The following ZNF157 variants were observed in gnomAD, a reference collection of about 807,000 sequenced individuals.
The protein encoded by ZNF157 is zinc finger protein 157.
A neutral mutation model predicts 9.4 loss-of-function variants in ZNF157; 8 were observed. The ratio of observed to expected loss-of-function variants is 0.85; its 90% CI spans 0.50 to 1.53. The LOEUF (loss-of-function observed/expected upper bound fraction) is 1.53, where lower values mean the gene tolerates loss of function less well. Ranked by LOEUF, ZNF157 falls within the 40% of genes most tolerant of loss-of-function variation. ZNF157 has a pLI of 0.00. For missense variants in ZNF157, 316 were observed against 385.2 expected (o/e 0.82, Z 1.50); for synonymous variants, 120 against 130.8 (o/e 0.92, Z 0.56).
chrX:47,384,022 C>T (rs991649231), intron 1 of ZNF157, among the ~76,000 whole-genome samples: 2 of 109,675 alleles, frequency 1.8e-5, no homozygotes, highest in African/African-American at 6.7e-5. Context: ...GTAATCCCAC[C>T]ACTTTGGGAG....
intron 1 of ZNF157, among the ~76,000 whole-genome samples, chrX:47,403,890 C>G (rs941200999): frequency 7.2e-5 from 8 of 111,589 alleles, no homozygotes; most frequent in African/African-American, 2.6e-4. Flanking sequence ...TAAAAAGTTG[C>G]CGGGCACAGA....
chrX:47,381,288 G>C (rs2055862868), intron 1 of ZNF157, among the ~76,000 whole-genome samples: 1 of 111,168 alleles, frequency 9.0e-6, no homozygotes, highest in South Asian at 3.8e-4. Context: ...TTTAACAACT[G>C]CCTGACCATC....
intron 1 of ZNF157, among the ~76,000 whole-genome samples, chrX:47,392,776 A>C (rs1409023486): frequency 8.9e-6 from 1 of 112,061 alleles, no homozygotes; most frequent in Non-Finnish European, 1.9e-5. Context: ...CAAAAGGCAG[A>C]AATTGGAAGT....
In ZNF157 at chrX:47,377,990, C is replaced by T. The variant is rs1188063610; in HGVS notation, c.72+7250C>T. 2.7e-5 allele frequency among the ~76,000 whole-genome samples: 3 copies of T among 110,770 alleles called. No homozygotes were observed. In the Admixed American group the frequency reaches 2.9e-4, roughly 11 times the overall value. On this transcript the variant is annotated intron_variant, in intron 1 of 3. Transcript: ENST00000377073. Reference sequence around the variant, plus strand: ...AACCTCCCAATGGGTTCCCCTTGCCCGCTGCCTAGACAGAGCTGATATTAA... The same window carrying T: ...AACCTCCCAATGGGTTCCCCTTGCCTGCTGCCTAGACAGAGCTGATATTAA...
Position 47,397,705 on chromosome X carries a change from G to A in ZNF157, c.73-12571G>A, listed in dbSNP as rs56343018. ...GCTGGGATTACAGGCGTGAGCCACC[G>A]TGCCCTGCTGCAAGCCAATTTCATC... On this transcript the variant is annotated intron_variant, in intron 1 of 3. Coordinates refer to ENST00000377073, the MANE Select transcript of ZNF157 (RefSeq NM_003446.4). Among the ~76,000 whole-genome samples the A allele has an allele frequency of 9.6e-3, 1,072 of 111,687 alleles. 11 individuals are homozygous for A. Among genetic ancestry groups the A allele is most frequent in the Admixed American group, 0.014 (142 of 10,385 alleles).
At chrX:47,385,965 T>A (rs1000254993) in intron 1 of ZNF157, among the ~76,000 whole-genome samples, 3 of 109,904 alleles carry the variant, frequency 2.7e-5, no homozygotes, top group Non-Finnish European at 5.7e-5. Context: ...CGAGTGTGAG[T>A]CAGAGCCAAG....
intron 1 of ZNF157, among the ~76,000 whole-genome samples, chrX:47,392,823 C>A (rs969001188): frequency 1.8e-5 from 2 of 111,325 alleles, no homozygotes; most frequent in Non-Finnish European, 3.8e-5. Context: ...AGTTTGAAAC[C>A]CAGTAGGGAA....
intron 1 of ZNF157, among the ~76,000 whole-genome samples, chrX:47,386,266 A>G (rs190526735): frequency 9.0e-6 from 1 of 110,895 alleles, no homozygotes; most frequent in African/African-American, 3.3e-5. Context: ...GAACAATAGC[A>G]CAATATCACA....
rs1029066026 is a variant in ZNF157 at position 47,377,637 on chromosome X, G to T, written c.72+6897G>T. ...AGTAGAAATGGGGTTTCACCATGTT[G>T]CCCAGGCTGGTCTTGAACTCCTGGC... On this transcript the variant is annotated intron_variant, in intron 1 of 3. Transcript: ENST00000377073. Among the ~76,000 whole-genome samples the T allele has an allele frequency of 2.8e-5, 3 of 107,735 alleles. No homozygotes were observed. The South Asian group carries it at 1.3e-3, about 45-fold the overall frequency. 93.6% of individuals were successfully genotyped at this position (107,735 alleles called of 115,157 possible).
intron 1 of ZNF157, among the ~76,000 whole-genome samples, 171 bp from the exon 2 acceptor site, chrX:47,410,105 C>G (rs1230867858): frequency 2.7e-5 from 3 of 111,351 alleles, no homozygotes; most frequent in Non-Finnish European, 5.7e-5. Context: ...AACACAGTAA[C>G]AGAGCTGTTC....
chrX:47,371,269 G>A (rs1470727451), intron 1 of ZNF157, among the ~76,000 whole-genome samples: 2 of 109,425 alleles, frequency 1.8e-5, no homozygotes, highest in Non-Finnish European at 3.8e-5. Flanking sequence ...ACCTGGAGGC[G>A]GAGGTTGCAG....
At chrX:47,393,869 G>A (rs1458262335) in intron 1 of ZNF157, among the ~76,000 whole-genome samples, 1 of 109,106 alleles carries the variant, frequency 9.2e-6, no homozygotes, top group African/African-American at 3.3e-5. Context: ...GGTTGAGTAT[G>A]GGGCTCAAAG....
chrX:47,388,112 G>T (rs750929562), intron 1 of ZNF157, among the ~76,000 whole-genome samples: 136 of 108,859 alleles, frequency 1.2e-3, no homozygotes, highest in Non-Finnish European at 2.2e-3. Flanking sequence ...TTAGAGACAG[G>T]GTCTTGCTTC....
rs186337774 is a variant in ZNF157 at position 47,407,362 on chromosome X, G to A, written c.73-2914G>A. On this transcript the variant is annotated intron_variant, in intron 1 of 3. Coordinates refer to ENST00000377073, the MANE Select transcript of ZNF157 (RefSeq NM_003446.4). ...GGATAATGATGGCCTCATAAAATGAGAAGTGTCCTTGTCTAGAAAATGGAA... is the reference window on the plus strand; with the variant it reads ...GGATAATGATGGCCTCATAAAATGAAAAGTGTCCTTGTCTAGAAAATGGAA... Among the ~76,000 whole-genome samples, 25 of 112,363 alleles carry A rather than the reference G, an allele frequency of 2.2e-4. 1 individual carries two copies. Among genetic ancestry groups the A allele is most frequent in the African/African-American group, 7.7e-4 (24 of 31,017 alleles).
chrX:47,371,678 G>C lies in ZNF157; in HGVS notation c.72+938G>C, dbSNP rs2055829257. On this transcript the variant is annotated intron_variant, in intron 1 of 3. Transcript: ENST00000377073. ...GCTGGACTGCAATGGCGTGATCTTGGCTCACTGCAACCTCTGCTTCCCGGG... is the reference window on the plus strand; with the variant it reads ...GCTGGACTGCAATGGCGTGATCTTGCCTCACTGCAACCTCTGCTTCCCGGG... Among the ~76,000 whole-genome samples the C allele has an allele frequency of 2.7e-5, 3 of 111,310 alleles. No homozygotes were observed. The South Asian group carries it at 1.1e-3, about 42-fold the overall frequency.
intron 1 of ZNF157, among the ~76,000 whole-genome samples, chrX:47,387,275 C>T (rs1256661702): frequency 9.0e-6 from 1 of 110,835 alleles, no homozygotes; most frequent in South Asian, 3.8e-4. Flanking sequence ...AGGCATGCAC[C>T]ACCATGCCCG....
At chrX:47,407,127 CTTAATATGGTGGATTATATTGA>C (rs1230551191) in intron 1 of ZNF157, among the ~76,000 whole-genome samples, 2 of 112,189 alleles carry the variant, frequency 1.8e-5, no homozygotes, top group Non-Finnish European at 3.8e-5. Flanking sequence ...GTTTTAGTTT[CTTAATATGGTGGATTATATTGA>C]TTGATTTAAA....
rs750646898 is a variant in ZNF157, at chrX:47,412,489, G to A, written c.416G>A (p.Cys139Tyr). ...TLDQNVEYNG[C>Y]RKAFHEKTGF... ...GATCAAAATGTTGAATATAATGGAT[G>A]CAGGAAAGCCTTCCATGAGAAAACA... Residue 139 changes from cysteine (C) to tyrosine (Y), a missense_variant, in exon 4 of 4, where the codon TGC becomes TAC. Physicochemically the swap from Cys to Tyr is radical, Grantham distance 194 (BLOSUM62 -2). This residue lies in a region of ZNF157 where 146 missense variants were observed against 183.8 expected (regional missense o/e 0.79). Transcript: ENST00000377073. 17 of 1,210,382 alleles carry A rather than the reference G, an allele frequency of 1.4e-5. No homozygotes were observed. The Admixed American group carries it at 3.5e-4, about 25-fold the overall frequency.
chrX:47,410,750 G>A lies in ZNF157; in HGVS notation c.270G>A (p.Glu90=), dbSNP rs1431101409. The A allele has an allele frequency of 1.7e-6, 2 of 1,205,354 alleles. No individual in the cohort carries two copies. Among genetic ancestry groups the A allele is most frequent in the Non-Finnish European group, 2.2e-6 (2 of 892,254 alleles). Residue 90 remains glutamate, a synonymous_variant, in exon 3 of 4, where the codon GAG becomes GAA. Coordinates refer to ENST00000377073, the MANE Select transcript of ZNF157 (RefSeq NM_003446.4). ...GAGAAGAGCTGTGGATATTAGAGGA[G>A]GAATCCTCAGGCCATGGTTACTCAG... The part of the protein sequence containing the change: ...ERGEELWILE[E]ESSGHGYSGS...
Sources: gnomAD v4.1 joint callset for allele counts (sites outside exome capture counted in the v4.1 genomes callset) on GRCh38, gnomAD v4.1.1 for gene constraint, gnomAD v4.1.1 regional missense constraint, MANE v1.5 for transcripts, NCBI Gene and HGNC (gene_info 2026-07-23, HGNC 2026-07-21) for gene names.